The following BOD1 variants were observed in gnomAD, a reference collection of about 807,000 sequenced individuals.
BOD1 encodes biorientation of chromosomes in cell division 1, also known as biorientation of chromosomes in cell division protein 1.
A neutral mutation model predicts 15.7 loss-of-function variants in BOD1; 11 were observed. The ratio of observed to expected loss-of-function variants is 0.70; its 90% CI spans 0.44 to 1.16. The LOEUF is 1.16. BOD1 is among the 50% of genes most tolerant of loss of function. The pLI, the probability that BOD1 is intolerant of heterozygous loss-of-function variation, is 0.00. For missense variants in BOD1, 182 were observed against 244.5 expected (o/e 0.74, Z 1.70); for synonymous variants, 105 against 103.5 (o/e 1.01, Z -0.09).
rs1264663817 is a variant in BOD1 at position 173,607,403 on chromosome 5, G to A, written c.*891C>T. The A allele has an allele frequency of 2.0e-5, 3 of 152,214 alleles. No individual in the cohort carries two copies. Among genetic ancestry groups the A allele is most frequent in the Non-Finnish European group, 2.9e-5 (2 of 68,066 alleles). The allele number at this position is 152,214 out of a possible 1,614,324, so 9.4% of individuals were successfully genotyped here. A position where few individuals can be genotyped will look rare whatever the true frequency, so the allele number is the denominator to read the frequency against. On this transcript the variant is annotated 3_prime_UTR_variant, in exon 4 of 4. Coordinates refer to ENST00000311086, the MANE Select transcript of BOD1 (RefSeq NM_138369.3). Reference sequence around the variant, plus strand: ...ACTAGCTACACCTACTAGTTTCATAGTTCCAAGTTATATGTACCAATCTTC... The same window carrying A: ...ACTAGCTACACCTACTAGTTTCATAATTCCAAGTTATATGTACCAATCTTC...
chr5:173,616,057 G>T, intron 1 of BOD1, 143 bp downstream of exon 1: 1 of 1,030,160 alleles, frequency 9.7e-7, no homozygotes, highest in Non-Finnish European at 1.4e-6. Context: ...AAAGCTCTCC[G>T]TACTGCCCCA....
At position 173,616,543 on chromosome 5, in the gene BOD1, C is replaced by A; in HGVS notation, c.-107G>T. ...AGGGGGCGGTGAAGGAGGAGGGCCC[C>A]AAGGCGGCAGCGGCGGAGGTGGCGA... On this transcript the variant is annotated 5_prime_UTR_variant, in exon 1 of 4. Transcript: ENST00000311086. 1 of 1,407,012 alleles carries A rather than the reference C, an allele frequency of 7.1e-7. No homozygotes were observed. The highest frequency in any genetic ancestry group is 1.5e-5 in the South Asian group (1 of 67,016). 87.2% of individuals were successfully genotyped at this position (1,407,012 alleles called of 1,614,324 possible).
chr5:173,609,953 C>A (rs1337845027), intron 2 of BOD1, among the ~76,000 whole-genome samples: 1 of 152,216 alleles, frequency 6.6e-6, no homozygotes, highest in African/African-American at 2.4e-5. Flanking sequence ...TTCACCATGG[C>A]CTTCAGCTGT....
At position 173,616,564 on chromosome 5, in the gene BOD1, G is replaced by A; in HGVS notation, c.-128C>T. ...GCCCCAAGGCGGCAGCGGCGGAGGT[G>A]GCGATGGCGGCAGGGGCGGTGGTGG... is the stretch of plus-strand genomic sequence containing the variant. On this transcript the variant is annotated 5_prime_UTR_variant, in exon 1 of 4. Transcript: ENST00000311086. The A allele has an allele frequency of 1.4e-6, 2 of 1,383,706 alleles. No individual in the cohort carries two copies. Among genetic ancestry groups the A allele is most frequent in the Non-Finnish European group, 1.9e-6 (2 of 1,075,742 alleles). 85.7% of individuals were successfully genotyped at this position (1,383,706 alleles called of 1,614,324 possible). A position where few individuals can be genotyped will look rare whatever the true frequency, so the allele number is the denominator to read the frequency against.
chr5:173,612,434 GAGCAC>G lies in BOD1; in HGVS notation c.362+692_362+696del, dbSNP rs994967961. ...CTTTACCATACGAGCTGTTGCACGT[GAGCAC>G]AGCACAATTCAGTGACACTTAACTG... On this transcript the variant is annotated intron_variant, in intron 2 of 3. Coordinates refer to ENST00000311086, the MANE Select transcript of BOD1 (RefSeq NM_138369.3). Among the ~76,000 whole-genome samples, 4 of 152,150 alleles carry G rather than the reference GAGCAC, an allele frequency of 2.6e-5. No individual in the cohort carries two copies. In the East Asian group the frequency reaches 5.8e-4, roughly 22 times the overall value.
At position 173,616,179 on chromosome 5, in the gene BOD1, C is replaced by T. The variant is rs1755491186; in HGVS notation, c.237+21G>A. On this transcript the variant is annotated intron_variant, in intron 1 of 3. Transcript: ENST00000311086. ...CCTCACGTGCAGCCCCGCTCCCCAA[C>T]GCCCAGGCGGCCGCAGCTACCTTGG... The T allele has an allele frequency of 3.8e-6, 6 of 1,568,384 alleles. No homozygotes were observed. The Admixed American group carries it at 7.3e-5, about 19-fold the overall frequency.
chr5:173,608,249 A>G lies in BOD1; in HGVS notation c.*45T>C. ...GTTGCACTCTTATGTAACCGAATCCATTTCTTCACCAAAAATTAGCTTTCA... is the reference window on the plus strand; with the variant it reads ...GTTGCACTCTTATGTAACCGAATCCGTTTCTTCACCAAAAATTAGCTTTCA... On this transcript the variant is annotated 3_prime_UTR_variant, in exon 4 of 4. Coordinates refer to ENST00000311086, the MANE Select transcript of BOD1 (RefSeq NM_138369.3). 1 of 1,611,466 alleles carries G rather than the reference A, an allele frequency of 6.2e-7. No homozygotes were observed. The highest frequency in any genetic ancestry group is 8.5e-7 in the Non-Finnish European group (1 of 1,177,594).
rs766899334 is a variant in BOD1, at chr5:173,607,516, C to T, written c.*778G>A. The T allele has an allele frequency of 4.6e-5, 7 of 152,148 alleles. No homozygotes were observed. Among genetic ancestry groups the T allele is most frequent in the Admixed American group, 6.5e-5 (1 of 15,274 alleles). The allele number at this position is 152,148 out of a possible 1,614,324, so 9.4% of individuals were successfully genotyped here. A position where few individuals can be genotyped will look rare whatever the true frequency, so the allele number is the denominator to read the frequency against. On this transcript the variant is annotated 3_prime_UTR_variant, in exon 4 of 4. Transcript: ENST00000311086. The stretch of plus-strand genomic sequence containing the variant: ...GAGGTTTAAGCTTCAGCTGAAGCTT[C>T]GGAGTAAAAGTATCAAATAATTTTA...
rs1332130015 is a variant in BOD1 at position 173,609,291 on chromosome 5, G to A, written c.506C>T (p.Pro169Leu). ...AGGGTCCTGGCCTTCGGGCTCTGGA[G>A]GGGGTGCTGGCACAGCTGCTTTTTT... is the stretch of plus-strand genomic sequence containing the variant. ...AQKKAAVPAP[P>L]PEPEGQDPPA... Residue 169 changes from proline to leucine, a missense_variant, in exon 3 of 4, where the codon CCT becomes CTT. Pro to Leu is a moderately conservative substitution (Grantham distance 98). Around this residue, in one of 3 missense-constraint regions of BOD1, gnomAD observed 40 missense variants for 45.3 expected, o/e 0.88. Coordinates refer to ENST00000311086, the MANE Select transcript of BOD1 (RefSeq NM_138369.3). 1 of 1,614,228 alleles carries A rather than the reference G, an allele frequency of 6.2e-7. No individual in the cohort carries two copies. Among genetic ancestry groups the A allele is most frequent in the East Asian group, 2.2e-5 (1 of 44,878 alleles).
rs1040922432 is a variant in BOD1, at chr5:173,613,022, T to C, written c.362+109A>G. On this transcript the variant is annotated intron_variant, in intron 2 of 3. Transcript: ENST00000311086. ...GCAGACTGCTGCAACTCCTAAGTGATACTTGATATAAAGTCCCATCAACCT... is the reference window on the plus strand; with the variant it reads ...GCAGACTGCTGCAACTCCTAAGTGACACTTGATATAAAGTCCCATCAACCT... 6 of 1,332,926 alleles carry C rather than the reference T, an allele frequency of 4.5e-6. No homozygotes were observed. The African/African-American group carries it at 8.9e-5, about 20-fold the overall frequency. The allele number at this position is 1,332,926 out of a possible 1,614,324, so 82.6% of individuals were successfully genotyped here.
In BOD1 at chr5:173,616,187, C is replaced by G; in HGVS notation, c.237+13G>C. Reference sequence around the variant, plus strand: ...GCAGCCCCGCTCCCCAACGCCCAGGCGGCCGCAGCTACCTTGGTGTCCACG... The same window carrying G: ...GCAGCCCCGCTCCCCAACGCCCAGGGGGCCGCAGCTACCTTGGTGTCCACG... On this transcript the variant is annotated intron_variant, in intron 1 of 3. Transcript: ENST00000311086. The G allele has an allele frequency of 6.4e-7, 1 of 1,571,748 alleles. No individual in the cohort carries two copies. Among genetic ancestry groups the G allele is most frequent in the African/African-American group, 1.4e-5 (1 of 73,594 alleles).
In BOD1 at chr5:173,608,115, G is replaced by A. The variant is rs258859; in HGVS notation, c.*179C>T. ...GGCAGCACAATGCAGGGGGTGACAC[G>A]GTCAACTCTCCCACTGCCGAACTTG... On this transcript the variant is annotated 3_prime_UTR_variant, in exon 4 of 4. Transcript: ENST00000311086. 61,474 of 707,420 alleles carry A rather than the reference G, an allele frequency of 0.087. 3,058 individuals are homozygous for A. Among genetic ancestry groups the A allele is most frequent in the African/African-American group, 0.13 (7,509 of 57,492 alleles). 43.8% of individuals were successfully genotyped at this position (707,420 alleles called of 1,614,324 possible). A position where few individuals can be genotyped will look rare whatever the true frequency, so the allele number is the denominator to read the frequency against.
chr5:173,611,119 A>AG (rs1755339609), intron 2 of BOD1, among the ~76,000 whole-genome samples: 1 of 152,222 alleles, frequency 6.6e-6, no homozygotes, highest in Non-Finnish European at 1.5e-5. Flanking sequence ...CAAACTACCA[A>AG]GGGAGTGCAG....
chr5:173,613,007 G>T (rs536678170), intron 2 of BOD1, 124 bp downstream of exon 2: 1 of 1,243,272 alleles, frequency 8.0e-7, no homozygotes, highest in Non-Finnish European at 1.1e-6. Context: ...GCAGACTGCT[G>T]CAACTCCTAA....
chr5:173,612,156 A>G (rs777576715), intron 2 of BOD1, among the ~76,000 whole-genome samples: 15 of 152,268 alleles, frequency 9.9e-5, no homozygotes, highest in Non-Finnish European at 1.3e-4. Context: ...GCATTCAGCC[A>G]TATTGGAAGT....
rs1755283338 is a variant in BOD1, at chr5:173,609,276, C to A, written c.521G>T (p.Gly174Val). ...AVPAPPPEPE[G>V]QDPPAPSQDT... ...CTGAGATGGAGCTGGAGGGTCCTGG[C>A]CTTCGGGCTCTGGAGGGGGTGCTGG... Residue 174 changes from glycine to valine, a missense_variant, in exon 3 of 4, where the codon GGC becomes GTC. By Grantham distance (109) the Gly-to-Val change is moderately radical (BLOSUM62 -3). This residue lies in a region of BOD1 where 40 missense variants were observed against 45.3 expected (regional missense o/e 0.88). Transcript: ENST00000311086. The A allele has an allele frequency of 6.2e-7, 1 of 1,614,172 alleles. No individual in the cohort carries two copies. The highest frequency in any genetic ancestry group is 1.7e-5 in the Admixed American group (1 of 60,018).
chr5:173,609,964 A>G (rs926538550), intron 2 of BOD1, among the ~76,000 whole-genome samples: 1 of 152,250 alleles, frequency 6.6e-6, no homozygotes, highest in Admixed American at 6.5e-5. Context: ...CTTCAGCTGT[A>G]GTTGCTACCT....
Position 173,608,157 on chromosome 5 carries a change from G to C in BOD1, c.*137C>G. 1 of 1,074,436 alleles carries C rather than the reference G, an allele frequency of 9.3e-7. No individual in the cohort carries two copies. Among genetic ancestry groups the C allele is most frequent in the Non-Finnish European group, 1.4e-6 (1 of 695,798 alleles). The allele number at this position is 1,074,436 out of a possible 1,614,324, so 66.6% of individuals were successfully genotyped here. A position where few individuals can be genotyped will look rare whatever the true frequency, so the allele number is the denominator to read the frequency against. On this transcript the variant is annotated 3_prime_UTR_variant, in exon 4 of 4. Coordinates refer to ENST00000311086, the MANE Select transcript of BOD1 (RefSeq NM_138369.3). The stretch of plus-strand genomic sequence containing the variant: ...CCGAACTTGCTCCCCTTTCAATCTG[G>C]TCACTGCCCATGGTCAAGGTTGAAA...
chr5:173,616,582 GGTGGT>G lies in BOD1; in HGVS notation c.-151_-147del. On this transcript the variant is annotated 5_prime_UTR_variant, in exon 1 of 4. Coordinates refer to ENST00000311086, the MANE Select transcript of BOD1 (RefSeq NM_138369.3). ...CGGAGGTGGCGATGGCGGCAGGGGC[GGTGGT>G]GGGGGCGGCGGCGGCGAAGGCCCCC... 7.3e-7 allele frequency: 1 copy of G among 1,366,642 alleles called. No individual in the cohort carries two copies. Among genetic ancestry groups the G allele is most frequent in the Non-Finnish European group, 9.4e-7 (1 of 1,067,496 alleles). 84.7% of individuals were successfully genotyped at this position (1,366,642 alleles called of 1,614,324 possible). A position where few individuals can be genotyped will look rare whatever the true frequency, so the allele number is the denominator to read the frequency against.
Sources: allele counts gnomAD v4.1 joint callset (sites outside exome capture counted in the v4.1 genomes callset), GRCh38; gene constraint gnomAD v4.1.1; regional missense constraint gnomAD v4.1.1; transcripts MANE v1.5; gene names NCBI Gene and HGNC (gene_info 2026-07-23, HGNC 2026-07-21).